Variants in RYK observed in about 807,000 individuals in gnomAD.
RYK encodes the protein inactive tyrosine-protein kinase RYK.
In RYK, 21 loss-of-function variants were observed where a neutral mutation model predicts 70.2. The observed-to-expected ratio is 0.30, with a 90% confidence interval of 0.21 to 0.43. The LOEUF is 0.43. Among genes scored for constraint, RYK ranks in the 20% least tolerant of loss-of-function variants. The pLI is 1.00. For missense variants in RYK, 604 were observed against 753.3 expected, an observed-to-expected ratio of 0.80 and a Z score of 2.32; for synonymous variants, 267 against 278.0, an observed-to-expected ratio of 0.96 and a Z score of 0.39.
intron 1 of RYK, among the ~76,000 whole-genome samples, chr3:134,248,036 A>G (rs2015510378): frequency 6.6e-6 from 1 of 152,038 alleles, no homozygotes; most frequent in Non-Finnish European, 1.5e-5. Flanking sequence ...ACATCTCAGT[A>G]CACATCTCAG....
intron 13 of RYK, among the ~76,000 whole-genome samples, chr3:134,172,558 C>G (rs2012953778): frequency 6.6e-6 from 1 of 152,150 alleles, no homozygotes; most frequent in Non-Finnish European, 1.5e-5. Flanking sequence ...AGCAGCTGTG[C>G]ATTGGTCTAA....
chr3:134,238,559 G>A (rs928945077), intron 1 of RYK, among the ~76,000 whole-genome samples: 2 of 152,134 alleles, frequency 1.3e-5, no homozygotes, highest in Non-Finnish European at 1.5e-5. Context: ...GCTTCAAGAA[G>A]ACATGGAAGG....
intron 5 of RYK, among the ~76,000 whole-genome samples, chr3:134,204,233 A>G (rs2014128468): frequency 1.3e-5 from 2 of 152,014 alleles, no homozygotes; most frequent in South Asian, 4.1e-4. Context: ...CGTGGCTCAC[A>G]CCTGTAATCC....
At chr3:134,188,029 A>T (rs1387011607) in intron 9 of RYK, among the ~76,000 whole-genome samples, 2 of 152,036 alleles carry the variant, frequency 1.3e-5, no homozygotes, top group Non-Finnish European at 2.9e-5. Flanking sequence ...ACTTATACAC[A>T]TCAATAAATT....
rs758826987 is a variant in RYK, at chr3:134,159,247, G to T, written c.1702C>A (p.Pro568Thr). 3.1e-6 allele frequency: 5 copies of T among 1,613,832 alleles called. No homozygotes were observed. The highest frequency in any genetic ancestry group is 4.2e-6 in the Non-Finnish European group (5 of 1,179,794). ...CTCAAAAAAACTCACAATTCATCAG[G>T]ACAGTTGATTGGCTGGGCTATTCGG... ...GYRIAQPINCPDELFAVMACC... is the reference protein window; with the variant it reads ...GYRIAQPINCTDELFAVMACC... Residue 568 changes from proline (P) to threonine (T), a missense_variant, in exon 14 of 15, where the codon CCT (proline) becomes ACT (threonine). This residue lies in a region of RYK where 138 missense variants were observed against 217.4 expected (regional missense o/e 0.63). Transcript: ENST00000623711.
chr3:134,190,493 G>A (rs2013610303), intron 8 of RYK, among the ~76,000 whole-genome samples: 3 of 151,896 alleles, frequency 2.0e-5, no homozygotes, highest in East Asian at 1.9e-4. Context: ...ATGTAAAAGA[G>A]CATGTGTTCC....
At chr3:134,175,808 A>T in intron 12 of RYK, 40 bp from the exon 13 acceptor site, 2 of 1,608,526 alleles carry the variant, frequency 1.2e-6, no homozygotes, top group Non-Finnish European at 1.7e-6. Context: ...CAATCAGAGT[A>T]TTAAAAAGTA....
chr3:134,211,443 T>C, intron 3 of RYK, 65 bp downstream of exon 3: 1 of 1,094,576 alleles, frequency 9.1e-7, no homozygotes, highest in Non-Finnish European at 1.4e-6. Context: ...AAACTTCTGT[T>C]TTGGGGCCAT....
intron 6 of RYK, among the ~76,000 whole-genome samples, chr3:134,196,165 C>G (rs1481657709): frequency 1.3e-5 from 2 of 152,116 alleles, no homozygotes; most frequent in Non-Finnish European, 2.9e-5. Context: ...TAATGCTGCT[C>G]AAGCATGTAG....
At chr3:134,170,173 C>T (rs1051099325) in intron 13 of RYK, among the ~76,000 whole-genome samples, 1 of 152,136 alleles carries the variant, frequency 6.6e-6, no homozygotes, top group African/African-American at 2.4e-5. Flanking sequence ...ATTGTATATA[C>T]ACACATACAT....
chr3:134,234,765 T>C (rs1192671853), intron 1 of RYK, among the ~76,000 whole-genome samples: 2 of 152,140 alleles, frequency 1.3e-5, no homozygotes, highest in Non-Finnish European at 2.9e-5. Context: ...GAGAACTGTT[T>C]TATACTGAGA....
chr3:134,160,841 C>T (rs1333930858), intron 13 of RYK, among the ~76,000 whole-genome samples: 8 of 152,098 alleles, frequency 5.3e-5, no homozygotes, highest in East Asian at 1.9e-4. Context: ...GGCAACAAAG[C>T]GAGACTCTGT....
At chr3:134,194,827 T>C (rs1232081724) in intron 7 of RYK, among the ~76,000 whole-genome samples, 1 of 152,212 alleles carries the variant, frequency 6.6e-6, no homozygotes, top group Non-Finnish European at 1.5e-5. Flanking sequence ...GTAGCCCTTT[T>C]AGTATAATAA....
chr3:134,248,598 C>T (rs1156385382), intron 1 of RYK, among the ~76,000 whole-genome samples: 1 of 152,214 alleles, frequency 6.6e-6, no homozygotes, highest in Middle Eastern at 3.4e-3. Flanking sequence ...GCGGGCAGAT[C>T]ACGAGCTCAG....
At chr3:134,203,067 C>G (rs2014076138) in intron 5 of RYK, among the ~76,000 whole-genome samples, 193 bp from the exon 6 acceptor site, 1 of 152,146 alleles carries the variant, frequency 6.6e-6, no homozygotes, top group African/African-American at 2.4e-5. Flanking sequence ...ATATTTTAGG[C>G]CAGGTGTGAT....
In RYK at chr3:134,191,829, G is replaced by T; in HGVS notation, c.1015+20C>A. On this transcript the variant is annotated intron_variant, in intron 8 of 14. Transcript: ENST00000623711. ...AACATTAAATCATACTTAAAAAACC[G>T]ACTTTGAGATAATAAATACCTTCTT... 1 of 1,582,694 alleles carries T rather than the reference G, an allele frequency of 6.3e-7. No individual in the cohort carries two copies. Among genetic ancestry groups the T allele is most frequent in the Admixed American group, 1.9e-5 (1 of 53,494 alleles).
At position 134,212,795 on chromosome 3, in the gene RYK, G is replaced by A. The variant is rs372517592; in HGVS notation, c.355-1188C>T. Among the ~76,000 whole-genome samples, 145 of 152,280 alleles carry A rather than the reference G, an allele frequency of 9.5e-4. 1 individual carries two copies. Among genetic ancestry groups the A allele is most frequent in the African/African-American group, 3.3e-3 (139 of 41,562 alleles). On this transcript the variant is annotated intron_variant, in intron 2 of 14. Coordinates refer to ENST00000623711, the MANE Select transcript of RYK (RefSeq NM_002958.4). Reference sequence around the variant, plus strand: ...TTACGCTTGGGCTAAGGTGGAAGGCGTTGTTACCCATGAATAAGAAGGGCT... The same window carrying A: ...TTACGCTTGGGCTAAGGTGGAAGGCATTGTTACCCATGAATAAGAAGGGCT...
Position 134,203,050 on chromosome 3 carries a change from A to T in RYK, c.644-176T>A, listed in dbSNP as rs560825000. Among the ~76,000 whole-genome samples, 142 of 152,164 alleles carry T rather than the reference A, an allele frequency of 9.3e-4. 1 individual carries two copies. The highest frequency in any genetic ancestry group is 3.3e-3 in the African/African-American group (136 of 41,504). On this transcript the variant is annotated intron_variant, in intron 5 of 14. Coordinates refer to ENST00000623711, the MANE Select transcript of RYK (RefSeq NM_002958.4). The stretch of plus-strand genomic sequence containing the variant: ...TTTTTTGATGTTTTTGTTGTAGTTT[A>T]AAAAAAATATTTTAGGCCAGGTGTG...
At chr3:134,240,196 T>G (rs999921699) in intron 1 of RYK, among the ~76,000 whole-genome samples, 8 of 152,240 alleles carry the variant, frequency 5.3e-5, no homozygotes. Flanking sequence ...ATATACATAT[T>G]GGAATATTTT....
Sources: gnomAD v4.1 joint callset for allele counts (sites outside exome capture counted in the v4.1 genomes callset) on GRCh38, gnomAD v4.1.1 for gene constraint, gnomAD v4.1.1 regional missense constraint, MANE v1.5 for transcripts, NCBI Gene and HGNC (gene_info 2026-07-23, HGNC 2026-07-21) for gene names.